ANKRD17: variants seen among roughly 807,000 people sequenced by gnomAD.
The protein encoded by ANKRD17 is ankyrin repeat domain 17.
In ANKRD17, 19 loss-of-function variants were observed where a neutral mutation model predicts 229.7. That is an observed-to-expected ratio of 0.08 (90% CI 0.06 to 0.12). The LOEUF is 0.12. Ranked by LOEUF, ANKRD17 falls within the 10% of genes least tolerant of loss-of-function variation. The probability of loss-of-function intolerance (pLI) is 1.00; values close to 1 mark genes in which losing one functional copy is unlikely to be tolerated. For missense variants in ANKRD17, 2,176 were observed against 3,176.8 expected (o/e 0.68, Z 7.57); for synonymous variants, 1,112 against 1,146.1 (o/e 0.97, Z 0.60).
At position 73,139,798 on chromosome 4, in the gene ANKRD17, C is replaced by T. The variant is rs937643875; in HGVS notation, c.2818G>A (p.Glu940Lys). Reference protein sequence around the residue: ...QQVDPVLLKDEPQQTAAQMGF... With the variant: ...QQVDPVLLKDKPQQTAAQMGF... ...ATCTGAGCAGCAGTCTGCTGGGGTT[C>T]ATCTTTAAGTAAAACAGGATCCACT... is the stretch of plus-strand genomic sequence containing the variant. Residue 940 changes from glutamate to lysine, a missense_variant, in exon 15 of 34, where the codon GAA becomes AAA. Transcript: ENST00000358602. The T allele has an allele frequency of 1.2e-6, 2 of 1,614,220 alleles. No homozygotes were observed. Among genetic ancestry groups the T allele is most frequent in the Non-Finnish European group, 8.5e-7 (1 of 1,180,032 alleles).
rs1208423760 is a variant in ANKRD17 at position 73,077,112 on chromosome 4, A to G, written c.7588-8T>C. 11 of 1,559,796 alleles carry G rather than the reference A, an allele frequency of 7.1e-6. No individual in the cohort carries two copies. Among genetic ancestry groups the G allele is most frequent in the Non-Finnish European group, 9.5e-6 (11 of 1,155,268 alleles). ...CACAGAAAAAGGCATACCCTTAAAA[A>G]AGGAAAACACACACATTAACATCCA... is the stretch of plus-strand genomic sequence containing the variant. On this transcript the variant is annotated splice_region_variant and splice_polypyrimidine_tract_variant and intron_variant, in intron 32 of 33. Transcript: ENST00000358602.
At chr4:73,163,756 C>G (rs1028118173) in intron 2 of ANKRD17, among the ~76,000 whole-genome samples, 6 of 152,200 alleles carry the variant, frequency 3.9e-5, no homozygotes, top group African/African-American at 1.4e-4. Context: ...AGGTTTCATA[C>G]AGGTGGTTAT....
intron 15 of ANKRD17, among the ~76,000 whole-genome samples, chr4:73,136,691 A>G (rs1428108290): frequency 1.3e-5 from 2 of 152,132 alleles, no homozygotes; most frequent in Non-Finnish European, 2.9e-5. Context: ...TTACGAAAAG[A>G]TCAAGATAAT....
At chr4:73,088,613 G>A (rs1287416529) in intron 29 of ANKRD17, among the ~76,000 whole-genome samples, 1 of 151,982 alleles carries the variant, frequency 6.6e-6, no homozygotes, top group Non-Finnish European at 1.5e-5. Context: ...GGCACATAAT[G>A]ATCTAAAATC....
chr4:73,237,130 T>C (rs1339248994), intron 1 of ANKRD17, among the ~76,000 whole-genome samples: 7 of 152,190 alleles, frequency 4.6e-5, no homozygotes, highest in Admixed American at 2.6e-4. Flanking sequence ...CTTCTGCTTA[T>C]GGTAGTGAGG....
intron 15 of ANKRD17, among the ~76,000 whole-genome samples, chr4:73,138,558 T>C (rs1315124891): frequency 6.6e-6 from 1 of 152,176 alleles, no homozygotes; most frequent in East Asian, 1.9e-4. Context: ...AAACAGTTTT[T>C]AAATTAGAAA....
At chr4:73,110,198 T>C (rs1725142098) in intron 24 of ANKRD17, among the ~76,000 whole-genome samples, 1 of 152,180 alleles carries the variant, frequency 6.6e-6, no homozygotes, top group African/African-American at 2.4e-5. Context: ...GTTAATGTTC[T>C]GAGAGCAAGC....
intron 2 of ANKRD17, among the ~76,000 whole-genome samples, chr4:73,164,284 G>A (rs908547442): frequency 1.3e-5 from 2 of 152,056 alleles, no homozygotes; most frequent in African/African-American, 4.8e-5. Context: ...ACTAACCACT[G>A]TTTTAAAAAA....
intron 10 of ANKRD17, among the ~76,000 whole-genome samples, chr4:73,145,566 C>T (rs980721108): frequency 2.0e-5 from 3 of 151,936 alleles, no homozygotes; most frequent in Non-Finnish European, 4.4e-5. Context: ...ATCTGATGAA[C>T]AATTTCTGAT....
chr4:73,110,364 T>C (rs113281129), intron 24 of ANKRD17, among the ~76,000 whole-genome samples: 4,776 of 152,328 alleles, frequency 0.031, 227 homozygotes, highest in African/African-American at 0.11. Flanking sequence ...CTCTTTTTCT[T>C]TTGTAGAGAC....
At chr4:73,118,467 A>C (rs1438434800) in intron 22 of ANKRD17, among the ~76,000 whole-genome samples, 2 of 152,050 alleles carry the variant, frequency 1.3e-5, no homozygotes, top group Non-Finnish European at 2.9e-5. Context: ...GCTTTTTAAA[A>C]GTTTACTTAG....
At chr4:73,106,238 C>T (rs984757182) in intron 24 of ANKRD17, among the ~76,000 whole-genome samples, 17 of 151,506 alleles carry the variant, frequency 1.1e-4, no homozygotes, top group African/African-American at 3.6e-4. Flanking sequence ...AGCAAGACTC[C>T]GTCTCAAAAA....
intron 27 of ANKRD17, among the ~76,000 whole-genome samples, chr4:73,094,737 T>TAG (rs71215483): frequency 2.0e-5 from 3 of 150,188 alleles, no homozygotes; most frequent in African/African-American, 7.3e-5. Flanking sequence ...TATATATATA[T>TAG]TATATGTGTG....
chr4:73,172,294 T>C (rs528904158), intron 2 of ANKRD17, among the ~76,000 whole-genome samples: 10 of 152,128 alleles, frequency 6.6e-5, no homozygotes, highest in Admixed American at 6.5e-4. Context: ...GGCAAAAAAA[T>C]TTTATCCTAT....
intron 9 of ANKRD17, 113 bp downstream of exon 9, chr4:73,147,128 T>C (rs1253862281): frequency 2.8e-6 from 3 of 1,060,220 alleles, no homozygotes; most frequent in African/African-American, 3.2e-5. Flanking sequence ...TATCACACGT[T>C]TTTTTAAACT....
intron 1 of ANKRD17, among the ~76,000 whole-genome samples, chr4:73,256,547 C>A (rs993205147): frequency 1.3e-5 from 2 of 152,086 alleles, no homozygotes; most frequent in Non-Finnish European, 2.9e-5. Context: ...CATTAGAAAA[C>A]TTTGATTTGT....
intron 2 of ANKRD17, among the ~76,000 whole-genome samples, chr4:73,164,208 T>C (rs1390432834): frequency 6.6e-6 from 1 of 152,208 alleles, no homozygotes; most frequent in Non-Finnish European, 1.5e-5. Flanking sequence ...GAGATCACTA[T>C]ATAACAAATA....
intron 24 of ANKRD17, among the ~76,000 whole-genome samples, chr4:73,110,906 T>A (rs1380438404): frequency 6.6e-6 from 1 of 152,222 alleles, no homozygotes; most frequent in Non-Finnish European, 1.5e-5. Flanking sequence ...TATACAACGA[T>A]ATTTAAAAGA....
At chr4:73,088,461 A>C (rs1031063931) in intron 29 of ANKRD17, among the ~76,000 whole-genome samples, 4 of 152,290 alleles carry the variant, frequency 2.6e-5, no homozygotes, top group Admixed American at 2.0e-4. Context: ...CCTTTTCAAA[A>C]AATAGGAATT....
Sources: allele counts gnomAD v4.1 joint callset (sites outside exome capture counted in the v4.1 genomes callset), GRCh38; gene constraint gnomAD v4.1.1; transcripts MANE v1.5; gene names NCBI Gene and HGNC (gene_info 2026-07-23, HGNC 2026-07-21).